Variants in METTL6 observed in about 807,000 individuals in gnomAD.
The protein encoded by METTL6 is tRNA N(3)-cytidine methyltransferase METTL6.
Under a neutral mutation model 26.4 loss-of-function variants are expected in METTL6, and 22 were observed. The observed-to-expected ratio is 0.83, with a 90% CI of 0.59 to 1.19. The LOEUF (loss-of-function observed/expected upper bound fraction) is 1.19, where lower values mean the gene tolerates loss of function less well. Among genes scored for constraint, METTL6 ranks in the 50% most tolerant of loss-of-function variants. The probability of loss-of-function intolerance (pLI) is 0.00; values close to 1 mark genes in which losing one functional copy is unlikely to be tolerated. For missense variants in METTL6, 304 were observed against 324.8 expected, an observed-to-expected ratio of 0.94 and a Z score of 0.49; for synonymous variants, 109 against 116.2, an observed-to-expected ratio of 0.94 and a Z score of 0.40.
rs148666106 is a variant in METTL6 at position 15,416,585 on chromosome 3, T to C, written c.361-643A>G. Among the ~76,000 whole-genome samples the C allele has an allele frequency of 2.6e-5, 4 of 152,308 alleles. No homozygotes were observed. In the East Asian group the frequency reaches 7.7e-4, roughly 29 times the overall value. On this transcript the variant is annotated intron_variant, in intron 3 of 5. Coordinates refer to ENST00000383790, the MANE Select transcript of METTL6 (RefSeq NM_152396.4). Reference sequence around the variant, plus strand: ...CTGGCTTCCTTAATCCTCCTTTGAATCATCTGCTTAAAGCCTAAACCCTAT... The same window carrying C: ...CTGGCTTCCTTAATCCTCCTTTGAACCATCTGCTTAAAGCCTAAACCCTAT...
At chr3:15,426,852 C>T (rs2061737033) in intron 1 of METTL6, among the ~76,000 whole-genome samples, 1 of 152,190 alleles carries the variant, frequency 6.6e-6, no homozygotes. Context: ...TTATTCAAAC[C>T]AGATGAGTCA....
chr3:15,388,936 T>C (rs558127469), intron 6 of METTL6, among the ~76,000 whole-genome samples: 2 of 152,154 alleles, frequency 1.3e-5, no homozygotes, highest in Non-Finnish European at 2.9e-5. Context: ...TCTTTCACTG[T>C]CTCAGTTATA....
intron 5 of METTL6, among the ~76,000 whole-genome samples, chr3:15,412,010 CA>C (rs1025582849): frequency 4.6e-5 from 7 of 152,148 alleles, no homozygotes; most frequent in African/African-American, 1.7e-4. Flanking sequence ...AATGATCCCC[CA>C]ATCTTGGCCT....
intron 3 of METTL6, among the ~76,000 whole-genome samples, chr3:15,417,476 TAAATAAATA>T (rs1407909829): frequency 1.3e-5 from 2 of 150,218 alleles, no homozygotes; most frequent in African/African-American, 4.9e-5. Context: ...AATAAATAAA[TAAATAAATA>T]AAATAGAATG....
In METTL6 at chr3:15,426,437, G is replaced by A; in HGVS notation, c.75C>T (p.Asp25=). 6.2e-7 allele frequency: 1 copy of A among 1,614,148 alleles called. No homozygotes were observed. Among genetic ancestry groups the A allele is most frequent in the South Asian group, 1.1e-5 (1 of 91,078 alleles). ...GTTTAAAATCAGACACCAAAGTTTG[G>A]TCTCTTTTCAGTTTCTCCTCTTCTT... ...TSEEEEKLKR[D]QTLVSDFKQQ... Residue 25 remains aspartate, a synonymous_variant, in exon 2 of 6, where the codon GAC becomes GAT. Coordinates refer to ENST00000383790, the MANE Select transcript of METTL6 (RefSeq NM_152396.4).
downstream of METTL6, among the ~76,000 whole-genome samples, chr3:15,405,020 A>G (rs1699747718): frequency 6.6e-6 from 1 of 152,248 alleles, no homozygotes; most frequent in African/African-American, 2.4e-5. Context: ...GCTATCAAAG[A>G]TAGCTACAAA....
Position 15,425,049 on chromosome 3 carries a change from C to T in METTL6, c.266G>A (p.Gly89Glu), listed in dbSNP as rs1404897710. The change falls in exon 3 of 6, where the codon GGG becomes GAG. Residue 89 changes from glycine to glutamate, a missense_variant. Physicochemically the swap from Gly to Glu is moderately conservative, Grantham distance 98. Coordinates refer to ENST00000383790, the MANE Select transcript of METTL6 (RefSeq NM_152396.4). ...AAGTGGGAATAAACAGTTTCCAACC[C>T]CACAGCCAGCTTCAAGCATTGTTAA... Reference protein sequence around the residue: ...QKLTMLEAGCGVGNCLFPLLE... With the variant: ...QKLTMLEAGCEVGNCLFPLLE... The T allele has an allele frequency of 1.9e-6, 3 of 1,614,012 alleles. No homozygotes were observed. The South Asian group carries it at 3.3e-5, about 18-fold the overall frequency.
At chr3:15,423,870 A>G (rs1054029751) in intron 3 of METTL6, among the ~76,000 whole-genome samples, 1 of 152,046 alleles carries the variant, frequency 6.6e-6, no homozygotes, top group Admixed American at 6.6e-5. Context: ...GGTGAGAGTG[A>G]AACCATGTCT....
intron 6 of METTL6, among the ~76,000 whole-genome samples, chr3:15,389,982 G>A (rs1348936972): frequency 1.3e-5 from 2 of 150,822 alleles, no homozygotes; most frequent in East Asian, 1.9e-4. Flanking sequence ...GCACAGTACT[G>A]CCTTACTGGG....
Position 15,411,026 on chromosome 3 carries a change from G to C in METTL6, c.*230C>G. On this transcript the variant is annotated 3_prime_UTR_variant, in exon 6 of 6. Transcript: ENST00000383790. ...TCTTGCCTCAGCCTCCTGAGTAGCT[G>C]GGATTACAGGCACTCGCCACTATGC... The C allele has an allele frequency of 2.4e-6, 1 of 413,644 alleles. No individual in the cohort carries two copies. The highest frequency in any genetic ancestry group is 4.3e-6 in the Non-Finnish European group (1 of 232,914). 25.6% of individuals were successfully genotyped at this position (413,644 alleles called of 1,614,324 possible).
At chr3:15,391,673 G>A (rs1386723324) in intron 6 of METTL6, among the ~76,000 whole-genome samples, 5 of 106,868 alleles carry the variant, frequency 4.7e-5, no homozygotes, top group South Asian at 2.9e-4. Flanking sequence ...AATAGGCCCC[G>A]GTGTGTGATG....
At chr3:15,405,055 T>C (rs1172004299), downstream of METTL6, among the ~76,000 whole-genome samples, 2 of 152,200 alleles carry the variant, frequency 1.3e-5, no homozygotes, top group Non-Finnish European at 2.9e-5. Context: ...GGCAGACAAT[T>C]ATCTGTGCTG....
intron 2 of METTL6, 149 bp from the exon 3 acceptor site, chr3:15,425,238 C>T (rs903177646): frequency 9.1e-6 from 7 of 772,610 alleles, no homozygotes; most frequent in African/African-American, 7.1e-5. Context: ...AATACTGGTA[C>T]TTCATTTGTC....
At chr3:15,398,518 G>A (rs116287694) in intron 6 of METTL6, among the ~76,000 whole-genome samples, 2,144 of 152,244 alleles carry the variant, frequency 0.014, 26 homozygotes, top group African/African-American at 0.028. Flanking sequence ...GATTTTCTTC[G>A]TTCAGTGGGC....
At chr3:15,413,537 A>G (rs1700061068) in intron 5 of METTL6, 1 of 758,694 alleles carries the variant, frequency 1.3e-6, no homozygotes, top group Non-Finnish European at 1.7e-6. Flanking sequence ...ACACCACTGC[A>G]CTCCAGCCTG....
At chr3:15,406,566 G>T (rs1366950547), downstream of METTL6, among the ~76,000 whole-genome samples, 2 of 87,034 alleles carry the variant, frequency 2.3e-5, no homozygotes, top group Non-Finnish European at 4.5e-5. Flanking sequence ...ACCCAGCCAT[G>T]AAAAAAAAAA....
chr3:15,397,118 G>A (rs1323274765), intron 6 of METTL6, among the ~76,000 whole-genome samples: 1 of 152,214 alleles, frequency 6.6e-6, no homozygotes, highest in Non-Finnish European at 1.5e-5. Context: ...TCCTTGAGCT[G>A]TGGTGGGCTC....
downstream of METTL6, among the ~76,000 whole-genome samples, chr3:15,406,619 TATATATATATAG>T (rs1310918388): frequency 7.0e-3 from 304 of 43,292 alleles, no homozygotes; most frequent in Non-Finnish European, 8.7e-3. Flanking sequence ...TATATATATA[TATATATATATAG>T]AGAGAGAGAG....
intron 5 of METTL6, 75 bp from the exon 6 acceptor site, chr3:15,411,512 A>G: frequency 7.2e-7 from 1 of 1,391,812 alleles, no homozygotes; most frequent in Non-Finnish European, 9.8e-7. Flanking sequence ...GAGGAGGGAT[A>G]GAGGGCTGAG....
Sources: allele counts gnomAD v4.1 joint callset (sites outside exome capture counted in the v4.1 genomes callset), GRCh38; gene constraint gnomAD v4.1.1; transcripts MANE v1.5; gene names NCBI Gene and HGNC (gene_info 2026-07-23, HGNC 2026-07-21).